Variants in ADAMTS12 observed in about 807,000 individuals in gnomAD.
ADAMTS12 encodes the protein A disintegrin and metalloproteinase with thrombospondin motifs 12.
ADAMTS12 carries 118 observed loss-of-function variants against 167.8 expected under a neutral mutation model. The observed-to-expected ratio is 0.70, with a 90% CI of 0.61 to 0.82. The LOEUF (loss-of-function observed/expected upper bound fraction) is 0.82. Among genes scored for constraint, ADAMTS12 ranks in the 40% least tolerant of loss-of-function variants. The pLI is 0.00. For synonymous variants in ADAMTS12, 704 were observed against 716.9 expected, an observed-to-expected ratio of 0.98 and a Z score of 0.29; for missense variants, 1,916 against 1,998.8, an observed-to-expected ratio of 0.96 and a Z score of 0.79.
intron 14 of ADAMTS12, among the ~76,000 whole-genome samples, chr5:33,618,694 C>T (rs991287650): frequency 6.6e-6 from 1 of 152,198 alleles, no homozygotes; most frequent in Non-Finnish European, 1.5e-5. Flanking sequence ...TTGAATTTCT[C>T]CAAAATCCAT....
chr5:33,741,926 T>C lies in ADAMTS12; in HGVS notation c.634+9478A>G, dbSNP rs79836663. On this transcript the variant is annotated intron_variant, in intron 3 of 23. Coordinates refer to ENST00000504830, the MANE Select transcript of ADAMTS12 (RefSeq NM_030955.4). ...CACCAAACCCACTTTTGTGGCTTAT[T>C]TGGGGGGAACATTTCTAAACCTCCT... Among the ~76,000 whole-genome samples, 998 of 152,304 alleles carry C rather than the reference T, an allele frequency of 6.6e-3. 10 individuals are homozygous for C. Among genetic ancestry groups the C allele is most frequent in the African/African-American group, 0.023 (962 of 41,562 alleles).
intron 16 of ADAMTS12, among the ~76,000 whole-genome samples, chr5:33,613,059 T>C (rs189573320): frequency 3.1e-3 from 475 of 152,260 alleles, no homozygotes; most frequent in Middle Eastern, 6.8e-3. Context: ...AGACCTGGTA[T>C]GTGAGAGGGA....
At chr5:33,696,540 G>T (rs4461641) in intron 3 of ADAMTS12, among the ~76,000 whole-genome samples, 1,758 of 152,072 alleles carry the variant, frequency 0.012, 42 homozygotes, top group African/African-American at 0.041. Context: ...TTCTTTTCCG[G>T]GACCCTAACT....
chr5:33,724,753 G>A (rs980660978), intron 3 of ADAMTS12, among the ~76,000 whole-genome samples: 20 of 151,662 alleles, frequency 1.3e-4, no homozygotes, highest in African/African-American at 4.6e-4. Flanking sequence ...GGGTTTCACC[G>A]TGTTAGCCAA....
intron 22 of ADAMTS12, among the ~76,000 whole-genome samples, chr5:33,538,125 G>A (rs891622981): frequency 6.6e-6 from 1 of 152,114 alleles, no homozygotes; most frequent in Non-Finnish European, 1.5e-5. Context: ...ACCTGAGACT[G>A]GGTAATTTAT....
At chr5:33,676,707 CAGAGAG>C (rs66523760) in intron 5 of ADAMTS12, among the ~76,000 whole-genome samples, 1 of 149,020 alleles carries the variant, frequency 6.7e-6, no homozygotes, top group East Asian at 2.0e-4. Flanking sequence ...CACACACACA[CAGAGAG>C]AGAGAGAGAG....
chr5:33,607,580 AAT>A (rs1738509663), intron 16 of ADAMTS12, among the ~76,000 whole-genome samples: 1 of 152,176 alleles, frequency 6.6e-6, no homozygotes, highest in Non-Finnish European at 1.5e-5. Context: ...AATAGCATTG[AAT>A]CTGTAAATTG....
At chr5:33,865,716 A>C (rs1259864783) in intron 2 of ADAMTS12, among the ~76,000 whole-genome samples, 1 of 151,702 alleles carries the variant, frequency 6.6e-6, no homozygotes, top group Non-Finnish European at 1.5e-5. Context: ...GAAAACCCTA[A>C]AGACTCCTTC....
intron 2 of ADAMTS12, among the ~76,000 whole-genome samples, chr5:33,845,478 T>C (rs940590469): frequency 2.6e-5 from 4 of 152,184 alleles, no homozygotes; most frequent in African/African-American, 9.7e-5. Context: ...GTATTAATAA[T>C]AACAGATATA....
At chr5:33,584,675 C>A (rs1747244041) in intron 18 of ADAMTS12, among the ~76,000 whole-genome samples, 1 of 152,196 alleles carries the variant, frequency 6.6e-6, no homozygotes, top group African/African-American at 2.4e-5. Context: ...TCAATTCTTA[C>A]AATAATCCTA....
intron 17 of ADAMTS12, among the ~76,000 whole-genome samples, chr5:33,590,724 C>T (rs571889589): frequency 8.9e-4 from 135 of 152,286 alleles, no homozygotes; most frequent in African/African-American, 3.0e-3. Flanking sequence ...AGTAATCCTG[C>T]CGCGGCCTCG....
intron 2 of ADAMTS12, among the ~76,000 whole-genome samples, chr5:33,879,223 C>T (rs186285224): frequency 2.2e-4 from 33 of 152,180 alleles, no homozygotes; most frequent in African/African-American, 5.8e-4. Context: ...TTTGCCCATT[C>T]CCCCGAGATT....
intron 3 of ADAMTS12, among the ~76,000 whole-genome samples, chr5:33,712,696 C>T (rs1304105334): frequency 2.6e-5 from 4 of 152,140 alleles, no homozygotes; most frequent in Non-Finnish European, 5.9e-5. Context: ...ACATAACAAA[C>T]TGGCAAAGAT....
intron 15 of ADAMTS12, 49 bp downstream of exon 15, chr5:33,615,779 G>T (rs1738969694): frequency 1.9e-6 from 3 of 1,599,974 alleles, no homozygotes; most frequent in Non-Finnish European, 2.6e-6. Flanking sequence ...AAAAGGAGAA[G>T]TATTCTAACT....
At chr5:33,763,820 C>A (rs973429584) in intron 2 of ADAMTS12, among the ~76,000 whole-genome samples, 1 of 152,200 alleles carries the variant, frequency 6.6e-6, no homozygotes, top group African/African-American at 2.4e-5. Context: ...GTTCCAGATG[C>A]AACACTACTG....
Position 33,595,137 on chromosome 5 carries a change from T to C in ADAMTS12, c.2654+797A>G, listed in dbSNP as rs557025493. Among the ~76,000 whole-genome samples, 34 of 152,230 alleles carry C rather than the reference T, an allele frequency of 2.2e-4. No homozygotes were observed. The East Asian group carries it at 6.2e-3, about 28-fold the overall frequency. On this transcript the variant is annotated intron_variant, in intron 17 of 23. Coordinates refer to ENST00000504830, the MANE Select transcript of ADAMTS12 (RefSeq NM_030955.4). ...CCTCTTTTCTTCTTCTCCTTCTTCC[T>C]CCTTTATCTTTTTCCTTTCTTTTTT...
chr5:33,667,395 T>C (rs1479986085), intron 5 of ADAMTS12, among the ~76,000 whole-genome samples: 3 of 150,092 alleles, frequency 2.0e-5, no homozygotes, highest in African/African-American at 7.4e-5. Flanking sequence ...ACCTCAATAA[T>C]AGGAATAATT....
At chr5:33,803,525 G>C (rs139261998) in intron 2 of ADAMTS12, among the ~76,000 whole-genome samples, 3 of 152,160 alleles carry the variant, frequency 2.0e-5, no homozygotes, top group African/African-American at 7.2e-5. Flanking sequence ...CTACTTTCAT[G>C]TTCTCCAATG....
intron 2 of ADAMTS12, among the ~76,000 whole-genome samples, chr5:33,775,018 A>G (rs1745867881): frequency 6.6e-6 from 1 of 152,194 alleles, no homozygotes. Context: ...CTACTGAATC[A>G]GCATCTCTGG....
Sources: allele counts gnomAD v4.1 joint callset (sites outside exome capture counted in the v4.1 genomes callset), GRCh38; gene constraint gnomAD v4.1.1; transcripts MANE v1.5; gene names NCBI Gene and HGNC (gene_info 2026-07-23, HGNC 2026-07-21).